The following KCNB2 variants were observed in gnomAD, a reference collection of about 807,000 sequenced individuals.
The protein encoded by KCNB2 is potassium voltage-gated channel subfamily B member 2.
Under a neutral mutation model 61.5 loss-of-function variants are expected in KCNB2, and 15 were observed. That is an observed-to-expected ratio of 0.24 (90% CI 0.16 to 0.38). The LOEUF (loss-of-function observed/expected upper bound fraction) is 0.38. Ranked by LOEUF, KCNB2 falls within the 10% of genes least tolerant of loss-of-function variation. The pLI is 1.00. For missense variants in KCNB2, 828 were observed against 1,125.2 expected (o/e 0.74, Z 3.78); for synonymous variants, 457 against 446.0 (o/e 1.02, Z -0.31).
At chr8:72,613,749 T>TAACA (rs1319792886) in intron 2 of KCNB2, among the ~76,000 whole-genome samples, 1 of 152,214 alleles carries the variant, frequency 6.6e-6, no homozygotes, top group Non-Finnish European at 1.5e-5. Context: ...AACAGTGCAC[T>TAACA]TGTTAGTTGC....
At chr8:72,573,928 C>T (rs990170154) in intron 2 of KCNB2, among the ~76,000 whole-genome samples, 5 of 152,200 alleles carry the variant, frequency 3.3e-5, no homozygotes, top group Admixed American at 1.3e-4. Flanking sequence ...CTCTGCATCC[C>T]ATCTATACAG....
chr8:72,825,209 G>A (rs1185120370), intron 2 of KCNB2, among the ~76,000 whole-genome samples: 2 of 152,128 alleles, frequency 1.3e-5, no homozygotes, highest in Non-Finnish European at 2.9e-5. Flanking sequence ...CATCCATGTT[G>A]GAGTATACAT....
intron 2 of KCNB2, among the ~76,000 whole-genome samples, chr8:72,850,831 T>C (rs1320429090): frequency 6.6e-6 from 1 of 152,226 alleles, no homozygotes; most frequent in Non-Finnish European, 1.5e-5. Context: ...ATGTATGTGA[T>C]TGTCAAATAA....
intron 2 of KCNB2, among the ~76,000 whole-genome samples, chr8:72,573,984 A>C (rs572260301): frequency 6.6e-6 from 1 of 152,340 alleles, no homozygotes; most frequent in Non-Finnish European, 1.5e-5. Context: ...AAGAGTTCAG[A>C]GATGTTAACA....
At chr8:72,920,068 A>G (rs912980766) in intron 2 of KCNB2, among the ~76,000 whole-genome samples, 1 of 152,140 alleles carries the variant, frequency 6.6e-6, no homozygotes, top group African/African-American at 2.4e-5. Context: ...AGCTAATATT[A>G]TAGTTTAAAA....
At position 72,567,889 on chromosome 8, in the gene KCNB2, C is replaced by T. The variant is rs1225497498; in HGVS notation, c.155C>T (p.Thr52Met). 2 of 1,613,868 alleles carry T rather than the reference C, an allele frequency of 1.2e-6. No homozygotes were observed. The highest frequency in any genetic ancestry group is 1.7e-5 in the Admixed American group (1 of 59,988). ...CTCAACCACGAAGTCCTGTGGAGAA[C>T]GCTGGACAGGCTGCCCAGGACGCGC... Reference protein sequence around the residue: ...GGLNHEVLWRTLDRLPRTRLG... With the variant: ...GGLNHEVLWRMLDRLPRTRLG... Residue 52 changes from threonine (T) to methionine (M), a missense_variant, in exon 2 of 3, where the codon ACG becomes ATG. Thr to Met is a moderately conservative substitution (Grantham distance 81). This residue lies in a region of KCNB2 where 163 missense variants were observed against 314.4 expected (regional missense o/e 0.52). Coordinates refer to ENST00000523207, the MANE Select transcript of KCNB2 (RefSeq NM_004770.3).
rs1484909320 is a variant in KCNB2, at chr8:72,725,541, G to GTATATATATATA, written c.579+157229_579+157230insATATATATATAT. Among the ~76,000 whole-genome samples, 65 of 74,682 alleles carry GTATATATATATA rather than the reference G, an allele frequency of 8.7e-4. 1 individual carries two copies. The highest frequency in any genetic ancestry group is 4.1e-3 in the African/African-American group (65 of 16,018). 49.0% of individuals were successfully genotyped at this position (74,682 alleles called of 152,430 possible). A position where few individuals can be genotyped will look rare whatever the true frequency, so the allele number is the denominator to read the frequency against. Reference sequence around the variant, plus strand: ...TATATATATATATATATATATATATGTGTGTATATATATATGTATATATGT... The same window carrying GTATATATATATA: ...TATATATATATATATATATATATATGTATATATATATATGTGTATATATATATGTATATATGT... On this transcript the variant is annotated intron_variant, in intron 2 of 2. Coordinates refer to ENST00000523207, the MANE Select transcript of KCNB2 (RefSeq NM_004770.3).
At chr8:72,616,983 CTT>C (rs760328384) in intron 2 of KCNB2, among the ~76,000 whole-genome samples, 11 of 152,172 alleles carry the variant, frequency 7.2e-5, no homozygotes, top group Non-Finnish European at 1.0e-4. Flanking sequence ...TCCTCTCTCT[CTT>C]GTAATGCTCT....
At chr8:72,657,877 C>T (rs1027892934) in intron 2 of KCNB2, among the ~76,000 whole-genome samples, 1 of 152,086 alleles carries the variant, frequency 6.6e-6, no homozygotes, top group Non-Finnish European at 1.5e-5. Flanking sequence ...TTGGGGGTGA[C>T]ACAATTCGCA....
At chr8:72,744,376 C>T (rs1437353306) in intron 2 of KCNB2, among the ~76,000 whole-genome samples, 1 of 152,124 alleles carries the variant, frequency 6.6e-6, no homozygotes, top group East Asian at 1.9e-4. Flanking sequence ...CACCATTCAT[C>T]CAGTAATAAC....
chr8:72,731,065 T>G (rs1441589837), intron 2 of KCNB2, among the ~76,000 whole-genome samples: 2 of 152,128 alleles, frequency 1.3e-5, no homozygotes, highest in African/African-American at 4.8e-5. Context: ...GAGATGTGGA[T>G]CCTGAATGAT....
At chr8:72,737,664 T>G (rs1398109340) in intron 2 of KCNB2, among the ~76,000 whole-genome samples, 1 of 152,106 alleles carries the variant, frequency 6.6e-6, no homozygotes, top group Non-Finnish European at 1.5e-5. Context: ...ATTACTAAAT[T>G]TATTAGTACT....
At position 72,640,372 on chromosome 8, in the gene KCNB2, T is replaced by A. The variant is rs1047096225; in HGVS notation, c.579+72059T>A. Among the ~76,000 whole-genome samples, 13 of 152,000 alleles carry A rather than the reference T, an allele frequency of 8.6e-5. 1 individual carries two copies. In the South Asian group the frequency reaches 2.7e-3, roughly 32 times the overall value. On this transcript the variant is annotated intron_variant, in intron 2 of 2. Transcript: ENST00000523207. ...GAATTATACCTATGGACCAATCCTC[T>A]GTTTTGCTGGTATTTTTTTTTCTTT...
At position 72,635,666 on chromosome 8, in the gene KCNB2, G is replaced by C. The variant is rs1294692102; in HGVS notation, c.579+67353G>C. On this transcript the variant is annotated intron_variant, in intron 2 of 2. Transcript: ENST00000523207. ...GGATGGAGGTCCTCTGCAAATGCTG[G>C]TAAATGCACTGCAGTGTTTAATTAG... Among the ~76,000 whole-genome samples the C allele has an allele frequency of 2.6e-5, 4 of 152,324 alleles. No individual in the cohort carries two copies. In the East Asian group the frequency reaches 7.7e-4, roughly 29 times the overall value.
chr8:72,841,591 T>C (rs1403178253), intron 2 of KCNB2, among the ~76,000 whole-genome samples: 2 of 152,134 alleles, frequency 1.3e-5, no homozygotes, highest in African/African-American at 4.8e-5. Context: ...CATTTGTTTG[T>C]GTCCTCTCTT....
Position 72,620,797 on chromosome 8 carries a change from G to C in KCNB2, c.579+52484G>C, listed in dbSNP as rs2019731. On this transcript the variant is annotated intron_variant, in intron 2 of 2. Coordinates refer to ENST00000523207, the MANE Select transcript of KCNB2 (RefSeq NM_004770.3). ...CTAATTTCGTGTTTTTAGTAGAGAC[G>C]GGGTTTCACCACGTTGGCCAGGCTG... Among the ~76,000 whole-genome samples, 469 of 152,046 alleles carry C rather than the reference G, an allele frequency of 3.1e-3. 7 individuals carry two copies. In the South Asian group the frequency reaches 0.049, roughly 16 times the overall value.
intron 1 of KCNB2, among the ~76,000 whole-genome samples, chr8:72,564,358 A>C (rs1434002620): frequency 6.6e-6 from 1 of 152,196 alleles, no homozygotes; most frequent in Non-Finnish European, 1.5e-5. Flanking sequence ...CTGATATTAT[A>C]ATCAGTTAAA....
At chr8:72,607,311 G>A (rs1805465469) in intron 2 of KCNB2, among the ~76,000 whole-genome samples, 1 of 152,082 alleles carries the variant, frequency 6.6e-6, no homozygotes, top group Non-Finnish European at 1.5e-5. Context: ...AGGAAGGTGG[G>A]CTTCCTAAAG....
chr8:72,653,129 A>T (rs1806238545), intron 2 of KCNB2, among the ~76,000 whole-genome samples: 1 of 152,100 alleles, frequency 6.6e-6, no homozygotes, highest in Non-Finnish European at 1.5e-5. Flanking sequence ...AGATTTAGGG[A>T]CTAATAAATT....
Sources: allele counts gnomAD v4.1 joint callset (sites outside exome capture counted in the v4.1 genomes callset), GRCh38; gene constraint gnomAD v4.1.1; regional missense constraint gnomAD v4.1.1; transcripts MANE v1.5; gene names NCBI Gene and HGNC (gene_info 2026-07-23, HGNC 2026-07-21).